Variants in EMP2 observed in about 807,000 individuals in gnomAD.
The protein encoded by EMP2 is epithelial membrane protein 2.
Under a neutral mutation model 13.7 loss-of-function variants are expected in EMP2, and 19 were observed. The ratio of observed to expected loss-of-function variants is 1.38; its 90% CI spans 0.97 to 2.03. The LOEUF (loss-of-function observed/expected upper bound fraction) is 2.03, where lower values mean the gene tolerates loss of function less well. Ranked by LOEUF, EMP2 falls within the 30% of genes most tolerant of loss-of-function variation. The pLI is 0.00. For missense variants in EMP2, 253 were observed against 220.7 expected (o/e 1.15, Z -0.93); for synonymous variants, 97 against 84.7 (o/e 1.15, Z -0.80).
chr16:10,537,697 G>A (rs1218505412), intron 4 of EMP2, among the ~76,000 whole-genome samples: 2 of 151,870 alleles, frequency 1.3e-5, no homozygotes, highest in Non-Finnish European at 2.9e-5. Flanking sequence ...GCCTTCCCTG[G>A]ACTCCCAACT....
At chr16:10,546,424 T>A (rs914118356) in intron 2 of EMP2, 11 of 152,242 alleles carry the variant, frequency 7.2e-5, no homozygotes, top group Non-Finnish European at 1.5e-4. Context: ...AGGTTATTTA[T>A]CCAATACATT....
intron 3 of EMP2, among the ~76,000 whole-genome samples, chr16:10,539,549 C>T (rs1163132685): frequency 1.3e-5 from 2 of 152,080 alleles, no homozygotes; most frequent in Non-Finnish European, 1.5e-5. Context: ...GGGCAGAAAG[C>T]GGTAGCAACT....
chr16:10,550,974 C>CAA lies in EMP2; in HGVS notation c.-60-3299_-60-3298dup, dbSNP rs59602519. On this transcript the variant is annotated intron_variant, in intron 1 of 4. Coordinates refer to ENST00000359543, the MANE Select transcript of EMP2 (RefSeq NM_001424.6). Reference sequence around the variant, plus strand: ...TGGGTGACAGAGAGAGATTCCATCTCAAAAAAAAAAAAATTGTAGAAGTGA... The same window carrying CAA: ...TGGGTGACAGAGAGAGATTCCATCTCAAAAAAAAAAAAAAATTGTAGAAGTGA... 1.0e-2 allele frequency among the ~76,000 whole-genome samples: 1,429 copies of CAA among 143,588 alleles called. 10 individuals carry two copies. The highest frequency in any genetic ancestry group is 0.019 in the African/African-American group (743 of 39,238). The allele number at this position is 143,588 out of a possible 152,430, so 94.2% of individuals were successfully genotyped here. A position where few individuals can be genotyped will look rare whatever the true frequency, so the allele number is the denominator to read the frequency against.
chr16:10,557,356 C>CAAA (rs71402497), intron 1 of EMP2, among the ~76,000 whole-genome samples: 4 of 107,610 alleles, frequency 3.7e-5, no homozygotes, highest in African/African-American at 3.9e-5. Context: ...GACTCCATCT[C>CAAA]AAAAAAAAAA....
At position 10,533,037 on chromosome 16, in the gene EMP2, G is replaced by T. The variant is rs766050249; in HGVS notation, c.372C>A (p.His124Gln). The T allele has an allele frequency of 1.2e-6, 2 of 1,610,826 alleles. No homozygotes were observed. Among genetic ancestry groups the T allele is most frequent in the Non-Finnish European group, 8.5e-7 (1 of 1,178,514 alleles). Reference protein sequence around the residue: ...SIYTDRREDIHDKNAKFYPVT... With the variant: ...SIYTDRREDIQDKNAKFYPVT... The stretch of plus-strand genomic sequence containing the variant: ...CGGGATAGAATTTCGCGTTTTTGTC[G>T]TGAATGTCTTCACGCCTGTCTGTAT... Residue 124 changes from histidine (H) to glutamine (Q), a missense_variant, in exon 5 of 5, where the codon CAC becomes CAA. Coordinates refer to ENST00000359543, the MANE Select transcript of EMP2 (RefSeq NM_001424.6).
Position 10,538,055 on chromosome 16 carries a change from C to G in EMP2, c.189G>C (p.Ala63=). ...DSFQEYSTLQ[A]VQATMILSTI... ...TGGAGAGGATCATGGTGGCCTGGAC[C>G]GCCTGCAGCGTGGAGTACTCTGCGG... Residue 63 remains alanine, a synonymous_variant, in exon 4 of 5, where the codon GCG becomes GCC. Coordinates refer to ENST00000359543, the MANE Select transcript of EMP2 (RefSeq NM_001424.6). The G allele has an allele frequency of 6.2e-7, 1 of 1,613,684 alleles. No homozygotes were observed. The highest frequency in any genetic ancestry group is 8.5e-7 in the Non-Finnish European group (1 of 1,179,942).
At position 10,537,939 on chromosome 16, in the gene EMP2, T is replaced by A. The variant is rs752967588; in HGVS notation, c.305A>T (p.Gln102Leu). The A allele has an allele frequency of 6.2e-7, 1 of 1,613,968 alleles. No individual in the cohort carries two copies. The highest frequency in any genetic ancestry group is 1.7e-5 in the Admixed American group (1 of 59,986). ...GTTGATGTACTTACATGACATTAGC[T>A]GGATGATGGAGGTTAGGACAAACCT... Reference protein sequence around the residue: ...GERFVLTSIIQLMSCLCVMIA... With the variant: ...GERFVLTSIILLMSCLCVMIA... Residue 102 changes from glutamine (Q) to leucine (L), a missense_variant, in exon 4 of 5, where the codon CAG becomes CTG. Transcript: ENST00000359543.
intron 1 of EMP2, among the ~76,000 whole-genome samples, chr16:10,562,504 C>T (rs2050879896): frequency 6.6e-6 from 1 of 151,938 alleles, no homozygotes; most frequent in African/African-American, 2.4e-5. Flanking sequence ...TGAAGGACAC[C>T]CTAGACCAGC....
chr16:10,555,892 A>G (rs914679018), intron 1 of EMP2, among the ~76,000 whole-genome samples: 1 of 152,172 alleles, frequency 6.6e-6, no homozygotes, highest in African/African-American at 2.4e-5. Flanking sequence ...TCGCCAAAGC[A>G]ATCACTTTTA....
intron 1 of EMP2, among the ~76,000 whole-genome samples, chr16:10,561,031 G>A (rs1596378778): frequency 6.6e-6 from 1 of 152,312 alleles, no homozygotes; most frequent in African/African-American, 2.4e-5. Context: ...GTAGCAGGAG[G>A]CAAACGTGGG....
At chr16:10,535,840 G>A (rs1404149793) in intron 4 of EMP2, among the ~76,000 whole-genome samples, 3 of 152,162 alleles carry the variant, frequency 2.0e-5, no homozygotes, top group Non-Finnish European at 4.4e-5. Flanking sequence ...TGACTACCTC[G>A]CCCAGGGTCC....
At chr16:10,539,100 AG>A (rs2050674100) in intron 3 of EMP2, among the ~76,000 whole-genome samples, 1 of 152,136 alleles carries the variant, frequency 6.6e-6, no homozygotes, top group African/African-American at 2.4e-5. Context: ...CATCTACATA[AG>A]GGGGTTTGGA....
intron 1 of EMP2, among the ~76,000 whole-genome samples, chr16:10,551,213 T>C (rs1002397955): frequency 6.6e-6 from 1 of 152,234 alleles, no homozygotes; most frequent in African/African-American, 2.4e-5. Context: ...TTGTCTATTT[T>C]AGATATTTCA....
chr16:10,561,484 T>G (rs2050870848), intron 1 of EMP2, among the ~76,000 whole-genome samples: 2 of 150,728 alleles, frequency 1.3e-5, no homozygotes, highest in Admixed American at 1.3e-4. Context: ...GACGGAGGAG[T>G]GGGCACAGAG....
Position 10,529,057 on chromosome 16 carries a change from A to C in EMP2, c.*3848T>G, listed in dbSNP as rs2050577364. The C allele has an allele frequency of 1.3e-5, 2 of 152,240 alleles. No individual in the cohort carries two copies. Among genetic ancestry groups the C allele is most frequent in the Admixed American group, 1.3e-4 (2 of 15,280 alleles). The allele number at this position is 152,240 out of a possible 1,614,324, so 9.4% of individuals were successfully genotyped here. On this transcript the variant is annotated 3_prime_UTR_variant, in exon 5 of 5. Coordinates refer to ENST00000359543, the MANE Select transcript of EMP2 (RefSeq NM_001424.6). ...CACATTCACACAGACCAACAAGTCA[A>C]GCATTCTCCAAACTCATTTGAACAG...
intron 1 of EMP2, among the ~76,000 whole-genome samples, chr16:10,568,922 G>T (rs1450213361): frequency 6.6e-6 from 1 of 151,822 alleles, no homozygotes; most frequent in Non-Finnish European, 1.5e-5. Context: ...GAGTAGCTGG[G>T]ATTACATGCG....
chr16:10,562,394 C>G (rs942296249), intron 1 of EMP2, among the ~76,000 whole-genome samples: 2 of 151,694 alleles, frequency 1.3e-5, no homozygotes, highest in African/African-American at 4.8e-5. Context: ...CTATCTCTCT[C>G]TCTCTATCTC....
intron 1 of EMP2, among the ~76,000 whole-genome samples, chr16:10,570,589 G>T (rs1050324570): frequency 6.6e-6 from 1 of 152,072 alleles, no homozygotes; most frequent in Non-Finnish European, 1.5e-5. Flanking sequence ...GTAGAAACAG[G>T]GTTTCTTTAC....
At chr16:10,569,032 C>T (rs1254509363) in intron 1 of EMP2, among the ~76,000 whole-genome samples, 1 of 152,118 alleles carries the variant, frequency 6.6e-6, no homozygotes, top group African/African-American at 2.4e-5. Flanking sequence ...AGGTGATCCA[C>T]CCACCTTGGC....
Sources: allele counts gnomAD v4.1 joint callset (sites outside exome capture counted in the v4.1 genomes callset), GRCh38; gene constraint gnomAD v4.1.1; transcripts MANE v1.5; gene names NCBI Gene and HGNC (gene_info 2026-07-23, HGNC 2026-07-21).